The following PARP6 variants were observed in gnomAD, a reference collection of about 807,000 sequenced individuals.
The protein encoded by PARP6 is poly(ADP-ribose) polymerase family member 6.
A neutral mutation model predicts 92.0 loss-of-function variants in PARP6; 27 were observed. The ratio of observed to expected loss-of-function variants is 0.29; its 90% CI spans 0.22 to 0.40. The LOEUF is 0.40. Among genes scored for constraint, PARP6 ranks in the 10% least tolerant of loss-of-function variants. The pLI is 1.00. For synonymous variants in PARP6, 272 were observed against 281.2 expected, an observed-to-expected ratio of 0.97 and a Z score of 0.33; for missense variants, 501 against 784.5, an observed-to-expected ratio of 0.64 and a Z score of 4.32.
At chr15:72,262,763 T>C (rs1376720450) in intron 8 of PARP6, among the ~76,000 whole-genome samples, 2 of 152,206 alleles carry the variant, frequency 1.3e-5, no homozygotes, top group Admixed American at 1.3e-4. Flanking sequence ...TGCCCTCCTT[T>C]GTCTTCTGTG....
chr15:72,250,166 C>T, intron 18 of PARP6, 74 bp from the exon 19 acceptor site: 3 of 852,914 alleles, frequency 3.5e-6, no homozygotes, highest in South Asian at 1.4e-5. Flanking sequence ...CTGCCATTCC[C>T]ACCCATTCTC....
At chr15:72,258,511 A>G (rs949457235) in intron 11 of PARP6, among the ~76,000 whole-genome samples, 2 of 152,224 alleles carry the variant, frequency 1.3e-5, no homozygotes, top group African/African-American at 4.8e-5. Flanking sequence ...TTAAAAATAT[A>G]AAATGGATGC....
intron 12 of PARP6, 94 bp from the exon 13 acceptor site, chr15:72,257,534 C>A: frequency 1.0e-6 from 1 of 973,720 alleles, no homozygotes. Context: ...AACTCTAAAA[C>A]AGGGTAGGAA....
intron 20 of PARP6, chr15:72,245,402 T>G (rs2083486652): frequency 1.3e-5 from 2 of 151,988 alleles, no homozygotes; most frequent in Admixed American, 1.3e-4. Context: ...AATAAAAACC[T>G]GCCCCCATGA....
At position 72,268,988 on chromosome 15, in the gene PARP6, G is replaced by A. The variant is rs1252442950; in HGVS notation, c.-194-1317C>T. On this transcript the variant is annotated intron_variant, in intron 2 of 23. Coordinates refer to ENST00000569795, the MANE Select transcript of PARP6 (RefSeq NM_001323532.2). ...ACAAAACAAAACAAAAAACTCATCT[G>A]TGAAATTATGAAGGCTTTAATGGCT... Among the ~76,000 whole-genome samples, 5 of 152,244 alleles carry A rather than the reference G, an allele frequency of 3.3e-5. No individual in the cohort carries two copies. In the East Asian group the frequency reaches 7.7e-4, roughly 24 times the overall value.
Position 72,267,601 on chromosome 15 carries a change from G to A in PARP6, c.-124C>T. The stretch of plus-strand genomic sequence containing the variant: ...CACAAAGGGAGACAAGGTAGGGCAC[G>A]ATGTCAGGGACAACTGGTGATCTGT... On this transcript the variant is annotated 5_prime_UTR_variant, in exon 3 of 24. Coordinates refer to ENST00000569795, the MANE Select transcript of PARP6 (RefSeq NM_001323532.2). 1.0e-6 allele frequency: 1 copy of A among 980,790 alleles called. No individual in the cohort carries two copies. Among genetic ancestry groups the A allele is most frequent in the East Asian group, 2.4e-5 (1 of 41,610 alleles). 60.8% of individuals were successfully genotyped at this position (980,790 alleles called of 1,614,324 possible).
At chr15:72,266,222 G>A (rs895390378) in intron 4 of PARP6, among the ~76,000 whole-genome samples, 1 of 152,180 alleles carries the variant, frequency 6.6e-6, no homozygotes, top group Non-Finnish European at 1.5e-5. Context: ...CAGACCAAAT[G>A]TAGGCTTTTG....
chr15:72,267,998 G>A (rs913408678), intron 2 of PARP6, among the ~76,000 whole-genome samples: 9 of 152,130 alleles, frequency 5.9e-5, no homozygotes, highest in African/African-American at 1.9e-4. Flanking sequence ...GTGACCTACC[G>A]GCCTCGGCCT....
intron 20 of PARP6, chr15:72,243,336 A>T (rs2083270865): frequency 6.6e-6 from 1 of 152,166 alleles, no homozygotes; most frequent in Admixed American, 6.5e-5. Context: ...GAGTAAAATG[A>T]ATGGAAAGGA....
At chr15:72,269,317 T>A (rs1002683718) in intron 2 of PARP6, among the ~76,000 whole-genome samples, 13 of 152,058 alleles carry the variant, frequency 8.5e-5, no homozygotes, top group Non-Finnish European at 7.4e-5. Context: ...CCCGCCACCA[T>A]GCCCAGCTAA....
chr15:72,263,714 T>A (rs1043020206), intron 8 of PARP6, among the ~76,000 whole-genome samples: 1 of 152,142 alleles, frequency 6.6e-6, no homozygotes, highest in Non-Finnish European at 1.5e-5. Flanking sequence ...ACAACTCTTA[T>A]CCATCCTTGA....
rs2083068558 is a variant in PARP6, at chr15:72,241,637, G to A, written c.1791-80C>T. ...ATCAATCAGTGGAACTGTATTTCAA[G>A]GTATGGCCATCCCATCCCAGAAGTC... On this transcript the variant is annotated intron_variant, in intron 23 of 23. Transcript: ENST00000569795. This position sits in a 1 kb window ranked among gnomAD's most constrained non-coding sequence, Gnocchi z 4.1. 2.7e-6 allele frequency: 3 copies of A among 1,109,022 alleles called. No homozygotes were observed. The highest frequency in any genetic ancestry group is 3.6e-5 in the Admixed American group (2 of 56,202). 68.7% of individuals were successfully genotyped at this position (1,109,022 alleles called of 1,614,324 possible).
At position 72,241,591 on chromosome 15, in the gene PARP6, G is replaced by A. The variant is rs780731103; in HGVS notation, c.1791-34C>T. 6.9e-7 allele frequency: 1 copy of A among 1,453,764 alleles called. No individual in the cohort carries two copies. The highest frequency in any genetic ancestry group is 2.3e-5 in the East Asian group (1 of 44,184). 90.1% of individuals were successfully genotyped at this position (1,453,764 alleles called of 1,614,324 possible). A position where few individuals can be genotyped will look rare whatever the true frequency, so the allele number is the denominator to read the frequency against. On this transcript the variant is annotated intron_variant, in intron 23 of 23. Coordinates refer to ENST00000569795, the MANE Select transcript of PARP6 (RefSeq NM_001323532.2). This position sits in a 1 kb window ranked among gnomAD's most constrained non-coding sequence, Gnocchi z 4.1. Reference sequence around the variant, plus strand: ...GATAGGGCAAGTGTGAGCATAAGAGGGAGAACAATACCAGAATAACATCAA... The same window carrying A: ...GATAGGGCAAGTGTGAGCATAAGAGAGAGAACAATACCAGAATAACATCAA...
At chr15:72,248,494 AAC>A (rs1443831971) in intron 20 of PARP6, among the ~76,000 whole-genome samples, 4 of 152,164 alleles carry the variant, frequency 2.6e-5, no homozygotes, top group Non-Finnish European at 5.9e-5. Flanking sequence ...TGATCTTTGT[AAC>A]AGTTACAAAT....
intron 19 of PARP6, 148 bp downstream of exon 19, chr15:72,249,869 TACA>T: frequency 1.7e-6 from 1 of 603,774 alleles, no homozygotes; most frequent in Non-Finnish European, 3.1e-6. Flanking sequence ...TCTCTATTCA[TACA>T]GTTCTAACTT....
At chr15:72,251,393 A>C (rs951694567) in intron 16 of PARP6, 138 bp from the exon 17 acceptor site, 2 of 579,518 alleles carry the variant, frequency 3.5e-6, no homozygotes, top group Non-Finnish European at 6.1e-6. Context: ...TGAAATGTCA[A>C]GGTCACTATC....
chr15:72,271,503 CA>C (rs1024959785), intron 1 of PARP6, among the ~76,000 whole-genome samples: 2 of 152,156 alleles, frequency 1.3e-5, no homozygotes, highest in African/African-American at 4.8e-5. Flanking sequence ...CACAGGATCA[CA>C]AACACTTTTT....
At chr15:72,258,685 A>G (rs1428890292) in intron 11 of PARP6, among the ~76,000 whole-genome samples, 1 of 152,256 alleles carries the variant, frequency 6.6e-6, no homozygotes, top group Non-Finnish European at 1.5e-5. Context: ...CTAGGAAGAT[A>G]GGAAAATCCA....
intron 10 of PARP6, among the ~76,000 whole-genome samples, chr15:72,260,058 G>A (rs1018403637): frequency 4.6e-5 from 7 of 152,256 alleles, no homozygotes; most frequent in African/African-American, 7.2e-5. Flanking sequence ...GTGGTGGCTC[G>A]TGCCTGTAAT....
Sources: gnomAD v4.1 joint callset for allele counts (sites outside exome capture counted in the v4.1 genomes callset) on GRCh38, gnomAD v4.1.1 for gene constraint, Gnocchi (gnomAD v3.1) non-coding constraint, MANE v1.5 for transcripts, NCBI Gene and HGNC (gene_info 2026-07-23, HGNC 2026-07-21) for gene names.